Variants in IQCM observed in about 807,000 individuals in gnomAD.
IQCM encodes IQ motif containing M.
In IQCM, 45 loss-of-function variants were observed where a neutral mutation model predicts 57.6. The observed-to-expected ratio is 0.78, with a 90% CI of 0.62 to 1.00. IQCM has a LOEUF of 1.00. Among genes scored for constraint, IQCM ranks in the 50% least tolerant of loss-of-function variants. The probability of loss-of-function intolerance (pLI) is 0.00; values close to 1 mark genes in which losing one functional copy is unlikely to be tolerated. For synonymous variants in IQCM, 148 were observed against 158.9 expected, an observed-to-expected ratio of 0.93 and a Z score of 0.51; for missense variants, 468 against 511.6, an observed-to-expected ratio of 0.91 and a Z score of 0.82.
At chr4:149,766,774 T>C (rs191515856) in intron 2 of IQCM, among the ~76,000 whole-genome samples, 2 of 152,238 alleles carry the variant, frequency 1.3e-5, no homozygotes, top group Non-Finnish European at 2.9e-5. Flanking sequence ...AATCTTAGTA[T>C]AGAAAAGAGG....
intron 7 of IQCM, among the ~76,000 whole-genome samples, chr4:149,627,175 T>C (rs1024842456): frequency 3.3e-5 from 5 of 152,028 alleles, no homozygotes; most frequent in African/African-American, 9.7e-5. Flanking sequence ...ATAATGGAGA[T>C]TGTAATTTTT....
At chr4:149,808,316 G>T (rs1774261521) in intron 2 of IQCM, among the ~76,000 whole-genome samples, 1 of 152,114 alleles carries the variant, frequency 6.6e-6, no homozygotes, top group African/African-American at 2.4e-5. Context: ...CAGTCAGAAA[G>T]ACAAATATTG....
At chr4:149,705,172 A>ATAAAAATG (rs1764063117) in intron 5 of IQCM, among the ~76,000 whole-genome samples, 1 of 146,980 alleles carries the variant, frequency 6.8e-6, no homozygotes, top group African/African-American at 2.5e-5. Context: ...ATATAAAAAT[A>ATAAAAATG]TATAAAAATA....
intron 7 of IQCM, among the ~76,000 whole-genome samples, chr4:149,674,441 T>C (rs1761576356): frequency 6.6e-6 from 1 of 152,050 alleles, no homozygotes; most frequent in Non-Finnish European, 1.5e-5. Flanking sequence ...AGGCAAACAA[T>C]ACCAGATAAG....
intron 13 of IQCM, among the ~76,000 whole-genome samples, chr4:149,353,314 A>T (rs1728703394): frequency 6.6e-6 from 1 of 152,216 alleles, no homozygotes; most frequent in Non-Finnish European, 1.5e-5. Flanking sequence ...ATAAAAGGAA[A>T]CACTTATACA....
chr4:149,743,110 T>C (rs915504425), intron 2 of IQCM, among the ~76,000 whole-genome samples: 3 of 152,170 alleles, frequency 2.0e-5, no homozygotes, highest in Non-Finnish European at 4.4e-5. Context: ...CAAGACCCTA[T>C]GCAGGTCTCT....
At chr4:149,779,055 A>G (rs1468626209) in intron 2 of IQCM, among the ~76,000 whole-genome samples, 2 of 152,208 alleles carry the variant, frequency 1.3e-5, no homozygotes, top group Non-Finnish European at 2.9e-5. Context: ...CATATTCATC[A>G]TGAATATACA....
At chr4:149,432,520 A>C (rs1359441167) in intron 13 of IQCM, among the ~76,000 whole-genome samples, 3 of 152,046 alleles carry the variant, frequency 2.0e-5, no homozygotes, top group Non-Finnish European at 4.4e-5. Context: ...CACACACTGA[A>C]ATATAAACCT....
chr4:149,785,896 TTGTTGAGTC>T (rs1772039934), intron 2 of IQCM, among the ~76,000 whole-genome samples: 1 of 152,164 alleles, frequency 6.6e-6, no homozygotes, highest in Admixed American at 6.6e-5. Flanking sequence ...TTGATGTAGT[TTGTTGAGTC>T]CTGGCTTACA....
At chr4:149,642,639 C>CA (rs1477478375) in intron 7 of IQCM, among the ~76,000 whole-genome samples, 2 of 152,242 alleles carry the variant, frequency 1.3e-5, no homozygotes, top group East Asian at 3.9e-4. Flanking sequence ...CCAAAGACAA[C>CA]AGAGATCCTC....
intron 7 of IQCM, among the ~76,000 whole-genome samples, chr4:149,656,725 G>C (rs967346939): frequency 6.6e-6 from 1 of 152,106 alleles, no homozygotes; most frequent in African/African-American, 2.4e-5. Context: ...AGGCAGGTGG[G>C]AAGCCTGGAG....
intron 2 of IQCM, among the ~76,000 whole-genome samples, chr4:149,764,064 G>T (rs1356522429): frequency 6.6e-6 from 1 of 152,088 alleles, no homozygotes; most frequent in Non-Finnish European, 1.5e-5. Context: ...AGGCAAATTT[G>T]GATTTCAGTG....
chr4:149,477,559 T>G (rs1740331894), intron 12 of IQCM, among the ~76,000 whole-genome samples: 1 of 152,022 alleles, frequency 6.6e-6, no homozygotes, highest in African/African-American at 2.4e-5. Flanking sequence ...TACTGTCCGG[T>G]GGGGGCTGGA....
At chr4:149,487,851 C>G (rs563556207) in intron 12 of IQCM, among the ~76,000 whole-genome samples, 6 of 152,240 alleles carry the variant, frequency 3.9e-5, no homozygotes, top group Non-Finnish European at 7.4e-5. Context: ...CTCTCTCTCT[C>G]TCCTGCCCAG....
intron 13 of IQCM, among the ~76,000 whole-genome samples, chr4:149,364,027 T>C (rs1374440711): frequency 1.3e-5 from 2 of 152,092 alleles, no homozygotes; most frequent in South Asian, 2.1e-4. Flanking sequence ...ATTTAACACA[T>C]AGAGACATAT....
intron 5 of IQCM, among the ~76,000 whole-genome samples, chr4:149,727,961 T>A (rs867962312): frequency 6.6e-6 from 1 of 152,210 alleles, no homozygotes; most frequent in South Asian, 2.1e-4. Context: ...ATTGGTAGTT[T>A]GAAATTGGCT....
At chr4:149,413,406 C>A (rs150338502) in intron 13 of IQCM, among the ~76,000 whole-genome samples, 1 of 152,052 alleles carries the variant, frequency 6.6e-6, no homozygotes, top group Non-Finnish European at 1.5e-5. Context: ...AAACCTGTAG[C>A]GGGGAGCAGA....
chr4:149,678,407 C>G (rs772862458), intron 7 of IQCM, among the ~76,000 whole-genome samples: 10 of 151,774 alleles, frequency 6.6e-5, no homozygotes, highest in Non-Finnish European at 1.2e-4. Flanking sequence ...AAATCTATTG[C>G]CAGCTAAGAA....
At chr4:149,778,161 G>A (rs1054878447) in intron 2 of IQCM, among the ~76,000 whole-genome samples, 1 of 152,220 alleles carries the variant, frequency 6.6e-6, no homozygotes, top group African/African-American at 2.4e-5. Context: ...TGGATCACGA[G>A]GTCAGGAGAT....
Sources: allele counts gnomAD v4.1 joint callset (sites outside exome capture counted in the v4.1 genomes callset), GRCh38; gene constraint gnomAD v4.1.1; transcripts MANE v1.5; gene names NCBI Gene and HGNC (gene_info 2026-07-23, HGNC 2026-07-21).